The following ADGRL2 variants were observed in gnomAD, a reference collection of about 807,000 sequenced individuals.
The protein encoded by ADGRL2 is adhesion G protein-coupled receptor L2, also known as calcium-independent alpha-latrotoxin receptor 2.
ADGRL2 carries 44 observed loss-of-function variants against 157.4 expected under a neutral mutation model. That is an observed-to-expected ratio of 0.28 (90% CI 0.22 to 0.36). The LOEUF is 0.36. Ranked by LOEUF, ADGRL2 falls within the 10% of genes least tolerant of loss-of-function variation. ADGRL2 has a pLI of 1.00. For synonymous variants in ADGRL2, 585 were observed against 624.7 expected (o/e 0.94, Z 0.95); for missense variants, 1,510 against 1,768.9 (o/e 0.85, Z 2.63).
intron 3 of ADGRL2, among the ~76,000 whole-genome samples, chr1:81,926,863 T>A (rs1399219976): frequency 2.6e-5 from 4 of 152,006 alleles, no homozygotes; most frequent in Admixed American, 2.0e-4. Flanking sequence ...TTAATAAGGC[T>A]CTGAGTGAGT....
intron 2 of ADGRL2, among the ~76,000 whole-genome samples, chr1:81,776,336 G>A (rs1386574599): frequency 2.6e-5 from 4 of 151,922 alleles, no homozygotes; most frequent in Admixed American, 1.3e-4. Context: ...CTACAGGCAC[G>A]CACCACCACA....
At chr1:81,947,850 T>C (rs993917026) in intron 6 of ADGRL2, among the ~76,000 whole-genome samples, 1 of 152,222 alleles carries the variant, frequency 6.6e-6, no homozygotes, top group African/African-American at 2.4e-5. Flanking sequence ...ATGTTTATTT[T>C]CATGATATCC....
chr1:81,603,626 T>C (rs569623522), intron 3 of ADGRL2, among the ~76,000 whole-genome samples: 1 of 152,356 alleles, frequency 6.6e-6, no homozygotes, highest in Admixed American at 6.5e-5. Context: ...TTCTGCATAA[T>C]GCTCACATGG....
chr1:81,393,006 T>A (rs1008376510), intron 1 of ADGRL2, among the ~76,000 whole-genome samples: 2 of 152,144 alleles, frequency 1.3e-5, no homozygotes, highest in African/African-American at 4.8e-5. Flanking sequence ...ACTCTTTTGA[T>A]TGTTTGATAA....
At chr1:81,832,083 A>G (rs1479961313) in intron 1 of ADGRL2, among the ~76,000 whole-genome samples, 1 of 152,148 alleles carries the variant, frequency 6.6e-6, no homozygotes, top group Non-Finnish European at 1.5e-5. Flanking sequence ...TGAGGTAAAT[A>G]AAAAGTTATT....
In ADGRL2 at chr1:81,319,196, C is replaced by T. The variant is rs371900247; in HGVS notation, c.-302+12687C>T. On this transcript the variant is annotated intron_variant, in intron 1 of 24. Transcript: ENST00000370721. Reference sequence around the variant, plus strand: ...TCCCGACCTCAAGTGATCCACCTGCCTCGGCCTCCCAAAGTGCTGGGATTA... The same window carrying T: ...TCCCGACCTCAAGTGATCCACCTGCTTCGGCCTCCCAAAGTGCTGGGATTA... Among the ~76,000 whole-genome samples the T allele has an allele frequency of 1.6e-4, 24 of 151,946 alleles. No individual in the cohort carries two copies. The East Asian group carries it at 2.3e-3, about 15-fold the overall frequency.
intron 2 of ADGRL2, among the ~76,000 whole-genome samples, chr1:81,898,988 A>T (rs2026596): frequency 6.6e-6 from 1 of 152,070 alleles, no homozygotes; most frequent in Non-Finnish European, 1.5e-5. Context: ...ACTCTCATAG[A>T]GGTCCCTGAT....
At chr1:81,696,548 A>T (rs544759716), upstream of ADGRL2, among the ~76,000 whole-genome samples, 20 of 152,024 alleles carry the variant, frequency 1.3e-4, no homozygotes, top group African/African-American at 4.6e-4. Flanking sequence ...GTCAGGAGAT[A>T]GAGATCATCC....
rs191856457 is a variant in ADGRL2 at position 81,473,348 on chromosome 1, A to T, written c.-248+28259A>T. Among the ~76,000 whole-genome samples, 30 of 152,334 alleles carry T rather than the reference A, an allele frequency of 2.0e-4. 1 individual carries two copies. The highest frequency in any genetic ancestry group is 2.0e-3 in the Admixed American group (30 of 15,304). The stretch of plus-strand genomic sequence containing the variant: ...CCTTTGGCACAAGAGTCTATTGAGC[A>T]CTTGAGATGTGGCTAGTGGAACTGA... On this transcript the variant is annotated intron_variant, in intron 2 of 24. Transcript: ENST00000370721.
chr1:81,498,354 C>G (rs891775928), intron 2 of ADGRL2, among the ~76,000 whole-genome samples: 4 of 151,774 alleles, frequency 2.6e-5, no homozygotes, highest in African/African-American at 9.7e-5. Flanking sequence ...TTGAGAAAAC[C>G]CTTTTGAGTA....
intron 3 of ADGRL2, among the ~76,000 whole-genome samples, chr1:81,659,778 C>T (rs2082615496): frequency 6.6e-6 from 1 of 152,020 alleles, no homozygotes; most frequent in Non-Finnish European, 1.5e-5. Context: ...CATCAAATGC[C>T]CTGTAACTGA....
chr1:81,875,859 G>A (rs57092332), intron 2 of ADGRL2, among the ~76,000 whole-genome samples: 2,733 of 152,128 alleles, frequency 0.018, 76 homozygotes, highest in African/African-American at 0.062. Flanking sequence ...CTTCCACCCC[G>A]TCTCTCTAAT....
At chr1:81,633,321 C>T (rs547324488) in intron 3 of ADGRL2, among the ~76,000 whole-genome samples, 7 of 151,938 alleles carry the variant, frequency 4.6e-5, no homozygotes, top group East Asian at 1.9e-4. Flanking sequence ...GCTGGGCGGG[C>T]GCAGTGGCTC....
At chr1:81,853,915 G>A (rs2093109861) in intron 2 of ADGRL2, among the ~76,000 whole-genome samples, 3 of 152,082 alleles carry the variant, frequency 2.0e-5, no homozygotes, top group Admixed American at 2.0e-4. Flanking sequence ...TCAAATTGAA[G>A]CATTTATAAC....
chr1:81,990,917 G>T lies in ADGRL2; in HGVS notation c.4182G>T (p.Pro1394=). The change falls in exon 24 of 24, where the codon CCG becomes CCT. Residue 1394 remains proline, a synonymous_variant. Coordinates refer to ENST00000686636, the MANE Select transcript of ADGRL2 (RefSeq NM_001366006.2). ...SMPNLRDSPY[P]ESSPDMEEDL... The stretch of plus-strand genomic sequence containing the variant: ...CCAATCTTAGAGACTCTCCCTATCC[G>T]GAGAGCAGCCCTGACATGGAAGAAG... 6.2e-7 allele frequency: 1 copy of T among 1,613,848 alleles called. No individual in the cohort carries two copies. Among genetic ancestry groups the T allele is most frequent in the Non-Finnish European group, 8.5e-7 (1 of 1,179,996 alleles).
intron 2 of ADGRL2, among the ~76,000 whole-genome samples, chr1:81,458,007 T>A (rs1340325819): frequency 1.3e-5 from 2 of 152,218 alleles, no homozygotes; most frequent in Non-Finnish European, 2.9e-5. Flanking sequence ...GCTACTATGA[T>A]GCTTTCACTT....
At chr1:81,423,921 C>G (rs116271342) in intron 1 of ADGRL2, among the ~76,000 whole-genome samples, 1,860 of 152,324 alleles carry the variant, frequency 0.012, 32 homozygotes, top group African/African-American at 0.042. Flanking sequence ...CTTGCTCACT[C>G]TCATCCTGAA....
At chr1:81,322,125 C>CATATACACATATATATAT (rs1557595212) in intron 1 of ADGRL2, among the ~76,000 whole-genome samples, 1 of 119,626 alleles carries the variant, frequency 8.4e-6, no homozygotes, top group African/African-American at 3.1e-5. Flanking sequence ...TATATATATA[C>CATATACACATATATATAT]ACACACACAC....
chr1:81,370,271 C>T (rs2076138900), intron 1 of ADGRL2, among the ~76,000 whole-genome samples: 1 of 152,092 alleles, frequency 6.6e-6, no homozygotes, highest in Admixed American at 6.6e-5. Context: ...TGAACTTTGG[C>T]ATTGACCCAG....
Sources: allele counts gnomAD v4.1 joint callset (sites outside exome capture counted in the v4.1 genomes callset), GRCh38; gene constraint gnomAD v4.1.1; transcripts MANE v1.5; gene names NCBI Gene and HGNC (gene_info 2026-07-23, HGNC 2026-07-21).